RGS8: variants seen among roughly 807,000 people sequenced by gnomAD.
RGS8 encodes regulator of G-protein signaling 8.
Under a neutral mutation model 21.7 loss-of-function variants are expected in RGS8, and 8 were observed. The ratio of observed to expected loss-of-function variants is 0.37; its 90% CI spans 0.22 to 0.66. The LOEUF (loss-of-function observed/expected upper bound fraction) is 0.66. Among genes scored for constraint, RGS8 ranks in the 30% least tolerant of loss-of-function variants. The pLI is 0.59. For missense variants in RGS8, 157 were observed against 217.9 expected (o/e 0.72, Z 1.76); for synonymous variants, 80 against 83.6 (o/e 0.96, Z 0.24).
chr1:182,748,732 G>C, the RGS8 span, among the ~76,000 whole-genome samples: 10 of 152,138 alleles, frequency 6.6e-5, no homozygotes, highest in Admixed American at 3.9e-4. Context: ...TAGTATATAA[G>C]GGTTCCCTTT....
chr1:182,653,067 G>A (rs1663097687), intron 5 of RGS8, among the ~76,000 whole-genome samples: 1 of 152,202 alleles, frequency 6.6e-6, no homozygotes, highest in African/African-American at 2.4e-5. Context: ...GAGCCAGAAA[G>A]ACAGAAGAAT....
chr1:182,747,037 G>A, the RGS8 span, among the ~76,000 whole-genome samples: 1 of 38,228 alleles, frequency 2.6e-5, no homozygotes, highest in Non-Finnish European at 7.2e-5. Flanking sequence ...TGTCAACACT[G>A]CTGGTCTTTT....
At chr1:182,670,135 C>T (rs915924097) in intron 2 of RGS8, among the ~76,000 whole-genome samples, 1 of 152,202 alleles carries the variant, frequency 6.6e-6, no homozygotes, top group Non-Finnish European at 1.5e-5. Flanking sequence ...CCAAAATAAT[C>T]TGATTGGATG....
chr1:182,664,344 G>C (rs1197278115), intron 5 of RGS8, among the ~76,000 whole-genome samples: 2 of 151,820 alleles, frequency 1.3e-5, no homozygotes, highest in African/African-American at 4.8e-5. Context: ...TTTAAGTAGA[G>C]AAGCCGAAAT....
At chr1:182,664,436 A>G (rs1401687876) in intron 5 of RGS8, among the ~76,000 whole-genome samples, 1 of 152,198 alleles carries the variant, frequency 6.6e-6, no homozygotes, top group Non-Finnish European at 1.5e-5. Flanking sequence ...AGAATGAGGA[A>G]ACAGCCTCAG....
intron 5 of RGS8, among the ~76,000 whole-genome samples, chr1:182,657,168 A>G (rs1663324822): frequency 1.4e-5 from 2 of 147,378 alleles, no homozygotes; most frequent in African/African-American, 2.5e-5. Context: ...ATCCTAGCCT[A>G]CTGCGTGGAA....
chr1:182,665,685 C>T (rs1663822213), intron 5 of RGS8, among the ~76,000 whole-genome samples: 2 of 152,188 alleles, frequency 1.3e-5, no homozygotes, highest in Admixed American at 6.5e-5. Context: ...ACATTCCAAA[C>T]CCCTAAGCTA....
chr1:182,689,995 C>T, the RGS8 span, among the ~76,000 whole-genome samples: 1 of 152,288 alleles, frequency 6.6e-6, no homozygotes, highest in East Asian at 1.9e-4. Flanking sequence ...TTTCTTATTC[C>T]ATTTCCATAG....
the RGS8 span, among the ~76,000 whole-genome samples, chr1:182,747,204 A>G: frequency 1.3e-5 from 2 of 151,150 alleles, no homozygotes; most frequent in Admixed American, 6.6e-5. Flanking sequence ...CTGGCCCTGC[A>G]TCTTCTATCT....
chr1:182,736,619 T>C, the RGS8 span, among the ~76,000 whole-genome samples: 4 of 152,210 alleles, frequency 2.6e-5, no homozygotes. Flanking sequence ...ATGTCATGGA[T>C]GTTAGCCCTG....
At chr1:182,747,745 C>T in the RGS8 span, among the ~76,000 whole-genome samples, 1 of 151,970 alleles carries the variant, frequency 6.6e-6, no homozygotes, top group African/African-American at 2.4e-5. Context: ...CGCATTGGCT[C>T]ATGCCTGTAA....
the RGS8 span, among the ~76,000 whole-genome samples, chr1:182,737,204 A>G: frequency 6.6e-6 from 1 of 152,036 alleles, no homozygotes; most frequent in African/African-American, 2.4e-5. Context: ...CCTCTCTCTT[A>G]TAAGAACACT....
chr1:182,680,770 G>A (rs750753737), intron 1 of RGS8, among the ~76,000 whole-genome samples: 5 of 152,282 alleles, frequency 3.3e-5, no homozygotes, highest in East Asian at 1.9e-4. Context: ...AATGTAGCAC[G>A]GTCCCCGGCA....
chr1:182,680,351 A>C (rs1664499325), intron 1 of RGS8, among the ~76,000 whole-genome samples: 1 of 152,186 alleles, frequency 6.6e-6, no homozygotes, highest in Non-Finnish European at 1.5e-5. Flanking sequence ...AATCATGAGC[A>C]CATATCACAG....
the RGS8 span, among the ~76,000 whole-genome samples, chr1:182,739,924 C>T: frequency 6.6e-6 from 1 of 152,184 alleles, no homozygotes. Context: ...CGTCCCTACC[C>T]ATACTGTTTT....
chr1:182,674,051 A>C (rs185349397), upstream of RGS8, among the ~76,000 whole-genome samples: 1 of 152,358 alleles, frequency 6.6e-6, no homozygotes, highest in East Asian at 1.9e-4. Flanking sequence ...CAGAGCTGGT[A>C]TCTAGCACCA....
chr1:182,665,664 A>G (rs2102434252), intron 5 of RGS8, among the ~76,000 whole-genome samples: 1 of 152,304 alleles, frequency 6.6e-6, no homozygotes, highest in South Asian at 2.1e-4. Flanking sequence ...TCTCATTCCC[A>G]AGTGAGCCCA....
intron 5 of RGS8, among the ~76,000 whole-genome samples, chr1:182,652,881 G>A (rs1371986243): frequency 6.6e-6 from 1 of 152,090 alleles, no homozygotes; most frequent in Non-Finnish European, 1.5e-5. Flanking sequence ...AGGGAAGGAA[G>A]GAGAGGAAGG....
intron 6 of RGS8, among the ~76,000 whole-genome samples, chr1:182,647,253 G>A (rs1365726688): frequency 6.6e-6 from 1 of 152,234 alleles, no homozygotes; most frequent in Non-Finnish European, 1.5e-5. Flanking sequence ...ACCATGGCAG[G>A]CAAAGGGATA....
Sources: allele counts gnomAD v4.1 joint callset (sites outside exome capture counted in the v4.1 genomes callset), GRCh38; gene constraint gnomAD v4.1.1; transcripts MANE v1.5; gene names NCBI Gene and HGNC (gene_info 2026-07-23, HGNC 2026-07-21).